CALD1: variants seen among roughly 807,000 people sequenced by gnomAD.
CALD1 encodes caldesmon.
A neutral mutation model predicts 99.9 loss-of-function variants in CALD1; 33 were observed. The ratio of observed to expected loss-of-function variants is 0.33; its 90% CI spans 0.25 to 0.44. The LOEUF is 0.44. Ranked by LOEUF, CALD1 falls within the 20% of genes least tolerant of loss-of-function variation. CALD1 has a pLI of 1.00. For synonymous variants in CALD1, 310 were observed against 325.0 expected, an observed-to-expected ratio of 0.95 and a Z score of 0.50; for missense variants, 861 against 962.1, an observed-to-expected ratio of 0.89 and a Z score of 1.39.
intron 4 of CALD1, 57 bp from the exon 5 acceptor site, chr7:134,932,931 T>C: frequency 8.1e-7 from 1 of 1,227,178 alleles, no homozygotes; most frequent in Non-Finnish European, 1.2e-6. Context: ...GCTGTATGAA[T>C]GCTGCTGACT....
the CALD1 span, among the ~76,000 whole-genome samples, chr7:134,718,987 C>T: frequency 1.3e-5 from 2 of 152,180 alleles, no homozygotes; most frequent in Non-Finnish European, 2.9e-5. Context: ...ATGCTAGCCT[C>T]ATGACTACTG....
chr7:134,827,260 A>T (rs1010998838), intron 1 of CALD1, among the ~76,000 whole-genome samples: 4 of 152,156 alleles, frequency 2.6e-5, no homozygotes, highest in African/African-American at 9.7e-5. Flanking sequence ...AGATCTCCCT[A>T]TCTCAGTGGA....
chr7:134,767,890 T>C (rs1796840992), intron 1 of CALD1, among the ~76,000 whole-genome samples: 1 of 152,212 alleles, frequency 6.6e-6, no homozygotes, highest in East Asian at 1.9e-4. Context: ...TAACAGATGC[T>C]CAGATGTTGA....
chr7:134,968,657 G>A lies in CALD1; in HGVS notation c.*312G>A. On this transcript the variant is annotated 3_prime_UTR_variant, in exon 15 of 15. Transcript: ENST00000361675. ...ATACCAACCACATCTGAAGTCAACA[G>A]AAGATCCAAGTTTAAAATTGCCTGC... is the stretch of plus-strand genomic sequence containing the variant. The A allele has an allele frequency of 1.7e-6, 1 of 579,442 alleles. No homozygotes were observed. Among genetic ancestry groups the A allele is most frequent in the Non-Finnish European group, 3.2e-6 (1 of 308,352 alleles). The allele number at this position is 579,442 out of a possible 1,614,324, so 35.9% of individuals were successfully genotyped here. A position where few individuals can be genotyped will look rare whatever the true frequency, so the allele number is the denominator to read the frequency against.
chr7:134,835,060 C>T (rs1375202462), intron 1 of CALD1, among the ~76,000 whole-genome samples: 4 of 152,226 alleles, frequency 2.6e-5, no homozygotes, highest in Non-Finnish European at 5.9e-5. Flanking sequence ...AATCTATGGG[C>T]TTGCAGCCTT....
Position 134,867,788 on chromosome 7 carries a change from C to A in CALD1, c.55C>A (p.Arg19=). The A allele has an allele frequency of 2.5e-6, 4 of 1,602,072 alleles. No individual in the cohort carries two copies. Among genetic ancestry groups the A allele is most frequent in the Non-Finnish European group, 3.4e-6 (4 of 1,170,884 alleles). Residue 19 remains arginine (R), a synonymous_variant, in exon 3 of 15, where the codon CGA becomes AGA. Coordinates refer to ENST00000361675, the MANE Select transcript of CALD1 (RefSeq NM_033138.4). ...ELRRQKREEM[R]LEAERIAYQR... ...TAGAAGGCAAAAGAGGGAGGAGATG[C>A]GACTCGAAGCAGAAAGGTAAGGATC...
chr7:134,765,045 G>A (rs113132456), intron 1 of CALD1, among the ~76,000 whole-genome samples: 7,487 of 152,212 alleles, frequency 0.049, 598 homozygotes, highest in African/African-American at 0.16. Flanking sequence ...GGCTGGGCGC[G>A]GTGGCTCACG....
intron 1 of CALD1, among the ~76,000 whole-genome samples, chr7:134,770,295 T>C (rs1796866649): frequency 6.6e-6 from 1 of 152,152 alleles, no homozygotes; most frequent in Non-Finnish European, 1.5e-5. Flanking sequence ...AGCCACTATC[T>C]GGGGAGGATT....
At chr7:134,953,491 G>A (rs1446904437) in intron 9 of CALD1, among the ~76,000 whole-genome samples, 1 of 151,218 alleles carries the variant, frequency 6.6e-6, no homozygotes, top group African/African-American at 2.4e-5. Context: ...GAACCTGGGA[G>A]GCAGCAACAA....
chr7:134,824,253 C>G (rs1798896922), intron 1 of CALD1, among the ~76,000 whole-genome samples: 1 of 152,130 alleles, frequency 6.6e-6, no homozygotes, highest in African/African-American at 2.4e-5. Flanking sequence ...CTGGGGGACT[C>G]AAAGGTGGTC....
chr7:134,845,356 T>A (rs1344393406), intron 2 of CALD1, among the ~76,000 whole-genome samples: 6 of 152,168 alleles, frequency 3.9e-5, no homozygotes, highest in Admixed American at 2.6e-4. Context: ...TTTAAGACTG[T>A]CTCCAAATGA....
At chr7:134,731,550 G>C in the CALD1 span, among the ~76,000 whole-genome samples, 2 of 152,094 alleles carry the variant, frequency 1.3e-5, no homozygotes, top group Non-Finnish European at 2.9e-5. Flanking sequence ...GATTGACCCT[G>C]TTGCTCCACT....
intron 1 of CALD1, among the ~76,000 whole-genome samples, chr7:134,831,342 C>T (rs531987499): frequency 6.6e-6 from 1 of 151,542 alleles, no homozygotes; most frequent in African/African-American, 2.4e-5. Context: ...TTTTTTGAGA[C>T]GGAGTCTTCC....
At chr7:134,791,827 G>C (rs1037041525) in intron 1 of CALD1, among the ~76,000 whole-genome samples, 1 of 152,124 alleles carries the variant, frequency 6.6e-6, no homozygotes, top group Non-Finnish European at 1.5e-5. Context: ...CCACATGATT[G>C]GGGAGGCCTC....
chr7:134,748,094 C>T (rs768323938), intron 1 of CALD1, among the ~76,000 whole-genome samples: 4 of 152,278 alleles, frequency 2.6e-5, no homozygotes, highest in Non-Finnish European at 5.9e-5. Context: ...AGCACCTAGA[C>T]AGTGGAACAC....
chr7:134,863,878 T>A (rs929766825), intron 2 of CALD1, among the ~76,000 whole-genome samples: 1 of 152,004 alleles, frequency 6.6e-6, no homozygotes, highest in East Asian at 1.9e-4. Context: ...TTTTTTTTAA[T>A]GTCAGAAGAA....
chr7:134,711,680 ATGTGTGTGTGTGTGTGTGTGTGTGTGTG>A, the CALD1 span, among the ~76,000 whole-genome samples: 3 of 109,584 alleles, frequency 2.7e-5, no homozygotes, highest in Non-Finnish European at 5.3e-5. Flanking sequence ...ATATATATAT[ATGTGTGTGTGTGTGTGTGTGTGTGTGTG>A]TGTGTGTGTG....
intron 3 of CALD1, among the ~76,000 whole-genome samples, chr7:134,880,058 T>G (rs943111976): frequency 7.9e-5 from 12 of 152,250 alleles, no homozygotes; most frequent in Admixed American, 3.9e-4. Context: ...TGACATGGAC[T>G]ACTATCCCAT....
the CALD1 span, among the ~76,000 whole-genome samples, chr7:134,727,502 C>T: frequency 1.6e-4 from 24 of 152,316 alleles, no homozygotes; most frequent in South Asian, 8.3e-4. Flanking sequence ...CCAGGCATGG[C>T]GGGAACAGTC....
Sources: allele counts gnomAD v4.1 joint callset (sites outside exome capture counted in the v4.1 genomes callset), GRCh38; gene constraint gnomAD v4.1.1; transcripts MANE v1.5; gene names NCBI Gene and HGNC (gene_info 2026-07-23, HGNC 2026-07-21).